ALK: variants seen among roughly 807,000 people sequenced by gnomAD.
ALK encodes ALK tyrosine kinase receptor.
Under a neutral mutation model 163.1 loss-of-function variants are expected in ALK, and 74 were observed. The observed-to-expected ratio is 0.45, with a 90% CI of 0.38 to 0.55. The LOEUF (loss-of-function observed/expected upper bound fraction) is 0.55, where lower values mean the gene tolerates loss of function less well. Among genes scored for constraint, ALK ranks in the 20% least tolerant of loss-of-function variants. ALK has a pLI of 0.00. For synonymous variants in ALK, 960 were observed against 843.2 expected, an observed-to-expected ratio of 1.14 and a Z score of -2.40; for missense variants, 2,063 against 2,105.3, an observed-to-expected ratio of 0.98 and a Z score of 0.39.
chr2:29,589,563 A>G (rs4630725), intron 3 of ALK, among the ~76,000 whole-genome samples: 76,198 of 151,980 alleles, frequency 0.5, 20,492 homozygotes, highest in Non-Finnish European at 0.58. Flanking sequence ...TTTGGGTCCC[A>G]AAATTTGCAG....
intron 4 of ALK, among the ~76,000 whole-genome samples, chr2:29,465,218 G>C (rs115089619): frequency 2.4e-3 from 358 of 152,224 alleles, no homozygotes; most frequent in African/African-American, 8.2e-3. Context: ...CCAAATATAA[G>C]AATGGCAGCA....
In ALK at chr2:29,363,501, A is replaced by G. The variant is rs139271521; in HGVS notation, c.1282+20231T>C. ...ACACCCTCATGAGAGCTCTGCTTCT[A>G]CTGAGACATGTCTTCTAGCTGGGTG... On this transcript the variant is annotated intron_variant, in intron 5 of 28. Transcript: ENST00000389048. 2.5e-4 allele frequency among the ~76,000 whole-genome samples: 38 copies of G among 152,288 alleles called. No individual in the cohort carries two copies. In the East Asian group the frequency reaches 6.8e-3, roughly 27 times the overall value.
chr2:29,861,707 G>A (rs1375568015), intron 1 of ALK, among the ~76,000 whole-genome samples: 1 of 152,192 alleles, frequency 6.6e-6, no homozygotes, highest in African/African-American at 2.4e-5. Flanking sequence ...AGCATTTAAA[G>A]AAGAGCTTAT....
chr2:29,480,146 G>A (rs1219417187), intron 4 of ALK, among the ~76,000 whole-genome samples: 1 of 152,136 alleles, frequency 6.6e-6, no homozygotes, highest in East Asian at 1.9e-4. Flanking sequence ...GATAAAAACA[G>A]GAATATGCAT....
intron 4 of ALK, among the ~76,000 whole-genome samples, chr2:29,480,442 T>C (rs1671634660): frequency 6.6e-6 from 1 of 152,136 alleles, no homozygotes; most frequent in Non-Finnish European, 1.5e-5. Context: ...ACAATGAAAA[T>C]TATAATTTCT....
intron 4 of ALK, among the ~76,000 whole-genome samples, chr2:29,417,183 T>A (rs1326753913): frequency 1.3e-5 from 2 of 152,018 alleles, no homozygotes; most frequent in Non-Finnish European, 2.9e-5. Context: ...AGAAACGGGA[T>A]TTCACCATGT....
chr2:29,370,226 C>T (rs567390660), intron 5 of ALK, among the ~76,000 whole-genome samples: 1 of 152,330 alleles, frequency 6.6e-6, no homozygotes, highest in African/African-American at 2.4e-5. Flanking sequence ...AGGACAGAGG[C>T]TTTGAGCTAT....
In ALK at chr2:29,251,213, G is replaced by A. The variant is rs1293729041; in HGVS notation, c.2096C>T (p.Ala699Val). 1.2e-6 allele frequency: 2 copies of A among 1,614,134 alleles called. No homozygotes were observed. The highest frequency in any genetic ancestry group is 2.2e-5 in the South Asian group (2 of 91,060). ...GASGPHGPTQAQCNNAYQNSN... is the reference protein window; with the variant it reads ...GASGPHGPTQVQCNNAYQNSN... ...GTTCTGGTAGGCGTTGTTGCACTGT[G>A]CCTGGGTGGGGCCATGGGGCCCGCT... The change falls in exon 12 of 29, where the codon GCA becomes GTA. Residue 699 changes from alanine to valine, a missense_variant. By Grantham distance (64) the Ala-to-Val change is moderately conservative. Coordinates refer to ENST00000389048, the MANE Select transcript of ALK (RefSeq NM_004304.5).
chr2:29,667,505 A>T (rs1677549764), intron 3 of ALK, among the ~76,000 whole-genome samples: 1 of 151,476 alleles, frequency 6.6e-6, no homozygotes, highest in African/African-American at 2.4e-5. Flanking sequence ...CTCCACTTTG[A>T]TGAGGATTTT....
chr2:29,414,187 G>T (rs1260411357), intron 4 of ALK, among the ~76,000 whole-genome samples: 1 of 152,198 alleles, frequency 6.6e-6, no homozygotes, highest in Non-Finnish European at 1.5e-5. Flanking sequence ...TAGGTGGTCT[G>T]CTGTTGACCA....
chr2:29,920,732 G>A lies in ALK; in HGVS notation c.-73C>T. ...CTTCGCTCTCCCCGAGATGGGAAGAGGCTCTGAACAGTCCTTGGTACCCAG... is the reference window on the plus strand; with the variant it reads ...CTTCGCTCTCCCCGAGATGGGAAGAAGCTCTGAACAGTCCTTGGTACCCAG... On this transcript the variant is annotated 5_prime_UTR_variant, in exon 1 of 29. Transcript: ENST00000389048. 7.4e-7 allele frequency: 1 copy of A among 1,353,540 alleles called. No homozygotes were observed. The highest frequency in any genetic ancestry group is 1.3e-5 in the South Asian group (1 of 79,410). The allele number at this position is 1,353,540 out of a possible 1,614,324, so 83.8% of individuals were successfully genotyped here.
intron 1 of ALK, among the ~76,000 whole-genome samples, chr2:29,824,855 C>A (rs892289334): frequency 6.6e-6 from 1 of 151,840 alleles, no homozygotes; most frequent in South Asian, 2.1e-4. Flanking sequence ...GTTGGGAATG[C>A]ATGATTGTTT....
chr2:29,298,456 G>A (rs1391142495), intron 8 of ALK, among the ~76,000 whole-genome samples: 1 of 152,138 alleles, frequency 6.6e-6, no homozygotes, highest in African/African-American at 2.4e-5. Flanking sequence ...TTGGGATCAC[G>A]ATGCTTTCTC....
chr2:29,617,330 T>C (rs1675874347), intron 3 of ALK, among the ~76,000 whole-genome samples: 1 of 152,200 alleles, frequency 6.6e-6, no homozygotes, highest in South Asian at 2.1e-4. Flanking sequence ...TCAGGAATCA[T>C]TTAGTGGTGG....
chr2:29,919,528 A>C (rs768292718), intron 1 of ALK, among the ~76,000 whole-genome samples: 6 of 152,208 alleles, frequency 3.9e-5, no homozygotes, highest in Non-Finnish European at 8.8e-5. Flanking sequence ...GGTGAGATTC[A>C]ATAATATGAA....
rs1391547283 is a variant in ALK at position 29,750,674 on chromosome 2, A to T, written c.668-32977T>A. On this transcript the variant is annotated intron_variant, in intron 1 of 28. Transcript: ENST00000389048. ...AAGGAAGGAAGGAAGGAAGGAAGGA[A>T]GGAAGGAAGGAAGGAAGGAAGGAAG... Among the ~76,000 whole-genome samples the T allele has an allele frequency of 2.2e-5, 3 of 136,502 alleles. No individual in the cohort carries two copies. In the South Asian group the frequency reaches 9.2e-4, roughly 42 times the overall value. The allele number at this position is 136,502 out of a possible 152,430, so 89.6% of individuals were successfully genotyped here. A position where few individuals can be genotyped will look rare whatever the true frequency, so the allele number is the denominator to read the frequency against.
At chr2:29,900,443 T>C (rs1295757005) in intron 1 of ALK, among the ~76,000 whole-genome samples, 3 of 152,390 alleles carry the variant, frequency 2.0e-5, no homozygotes, top group East Asian at 3.9e-4. Flanking sequence ...CTGCCTCCTC[T>C]TCTGGCTTCC....
At chr2:29,212,905 A>G (rs1406275794) in intron 24 of ALK, among the ~76,000 whole-genome samples, 1 of 152,142 alleles carries the variant, frequency 6.6e-6, no homozygotes, top group Admixed American at 6.5e-5. Flanking sequence ...GGGTTGCTCC[A>G]TGTTGGTCAG....
intron 4 of ALK, among the ~76,000 whole-genome samples, chr2:29,465,883 T>C (rs1300297560): frequency 6.6e-6 from 1 of 152,140 alleles, no homozygotes; most frequent in Non-Finnish European, 1.5e-5. Flanking sequence ...GAAAAAATAA[T>C]GGCAATATAT....
Sources: allele counts gnomAD v4.1 joint callset (sites outside exome capture counted in the v4.1 genomes callset), GRCh38; gene constraint gnomAD v4.1.1; transcripts MANE v1.5; gene names NCBI Gene and HGNC (gene_info 2026-07-23, HGNC 2026-07-21).